PRKDC: variants seen among roughly 807,000 people sequenced by gnomAD.
PRKDC encodes DNA-dependent protein kinase catalytic subunit.
PRKDC carries 82 observed loss-of-function variants against 486.9 expected under a neutral mutation model. That is an observed-to-expected ratio of 0.17 (90% CI 0.14 to 0.20). The LOEUF (loss-of-function observed/expected upper bound fraction) is 0.20. Among genes scored for constraint, PRKDC ranks in the 10% least tolerant of loss-of-function variants. The pLI is 1.00. For missense variants in PRKDC, 4,504 were observed against 5,038.2 expected (o/e 0.89, Z 3.21); for synonymous variants, 1,895 against 1,837.0 (o/e 1.03, Z -0.81).
intron 14 of PRKDC, among the ~76,000 whole-genome samples, chr8:47,934,696 G>T (rs376497156): frequency 6.6e-5 from 10 of 152,184 alleles, no homozygotes; most frequent in African/African-American, 2.4e-4. Context: ...CTCATCATAT[G>T]TCCTATAATT....
chr8:47,903,954 C>T (rs1011571864), intron 26 of PRKDC, among the ~76,000 whole-genome samples: 3 of 152,292 alleles, frequency 2.0e-5, no homozygotes, highest in African/African-American at 4.8e-5. Flanking sequence ...TCACTCTCCC[C>T]TACCCGTAAC....
intron 74 of PRKDC, among the ~76,000 whole-genome samples, chr8:47,789,472 G>T (rs2086850028): frequency 6.6e-6 from 1 of 151,876 alleles, no homozygotes; most frequent in African/African-American, 2.4e-5. Flanking sequence ...AAGAGATGAG[G>T]TTCTTAAAAA....
At position 47,957,968 on chromosome 8, in the gene PRKDC, G is replaced by A. The variant is rs187297670; in HGVS notation, c.155-537C>T. 5.3e-5 allele frequency among the ~76,000 whole-genome samples: 8 copies of A among 152,312 alleles called. No individual in the cohort carries two copies. The East Asian group carries it at 1.5e-3, about 29-fold the overall frequency. On this transcript the variant is annotated intron_variant, in intron 1 of 85. Coordinates refer to ENST00000314191, the MANE Select transcript of PRKDC (RefSeq NM_006904.7). Reference sequence around the variant, plus strand: ...AGATGCCTGCATCCCAATCCCTGGGGTCACATCTTGTGAATATGTTAAATG... The same window carrying A: ...AGATGCCTGCATCCCAATCCCTGGGATCACATCTTGTGAATATGTTAAATG...
At chr8:47,909,848 T>C (rs2089863309) in intron 25 of PRKDC, among the ~76,000 whole-genome samples, 2 of 152,204 alleles carry the variant, frequency 1.3e-5, no homozygotes, top group Non-Finnish European at 2.9e-5. Flanking sequence ...TGGTAAATTC[T>C]AGTCAGATTG....
chr8:47,943,838 T>G lies in PRKDC; in HGVS notation c.808+15A>C. ...TAATCTAAAATATTATACCTCATTA[T>G]AAACAGAATCCTACCTGAGGGCACA... On this transcript the variant is annotated intron_variant, in intron 9 of 85. Transcript: ENST00000314191. The G allele has an allele frequency of 1.9e-6, 3 of 1,566,078 alleles. No homozygotes were observed. The highest frequency in any genetic ancestry group is 2.6e-6 in the Non-Finnish European group (3 of 1,149,868).
chr8:47,868,435 T>G (rs577326934), intron 40 of PRKDC, among the ~76,000 whole-genome samples: 191 of 150,914 alleles, frequency 1.3e-3, no homozygotes, highest in Non-Finnish European at 2.4e-3. Context: ...CTGGGCGTGA[T>G]AGCATGCCTG....
At chr8:47,879,719 A>C in intron 38 of PRKDC, 61 bp from the exon 39 acceptor site, 1 of 1,337,120 alleles carries the variant, frequency 7.5e-7, no homozygotes, top group Non-Finnish European at 9.9e-7. Context: ...CCTACAGAAT[A>C]AATAAAATTA....
intron 23 of PRKDC, among the ~76,000 whole-genome samples, chr8:47,914,588 T>C (rs2154502856): frequency 6.6e-6 from 1 of 152,132 alleles, no homozygotes; most frequent in East Asian, 1.9e-4. Flanking sequence ...TCACCTGAGG[T>C]CAGGAGTTGA....
chr8:47,946,754 G>GCTT (rs2090538111), intron 7 of PRKDC, among the ~76,000 whole-genome samples: 1 of 152,108 alleles, frequency 6.6e-6, no homozygotes, highest in Admixed American at 6.5e-5. Context: ...AAGCCTGGAT[G>GCTT]CTTCCTAAGT....
At chr8:47,833,188 A>T (rs1036365350) in intron 59 of PRKDC, among the ~76,000 whole-genome samples, 13 of 152,328 alleles carry the variant, frequency 8.5e-5, no homozygotes, top group African/African-American at 3.1e-4. Context: ...CATTTAGAGA[A>T]CTGTGTGTGG....
At chr8:47,785,835 C>T (rs973270510) in intron 76 of PRKDC, among the ~76,000 whole-genome samples, 5 of 151,518 alleles carry the variant, frequency 3.3e-5, no homozygotes, top group South Asian at 2.1e-4. Flanking sequence ...ATAAGTGACA[C>T]GGTTAATGCC....
At chr8:47,935,923 C>A in intron 12 of PRKDC, 23 bp from the exon 13 acceptor site, 2 of 1,600,800 alleles carry the variant, frequency 1.2e-6, no homozygotes, top group South Asian at 1.1e-5. Context: ...ATCAGCAAAC[C>A]GTGAGTTAGA....
intron 40 of PRKDC, among the ~76,000 whole-genome samples, chr8:47,877,283 T>A (rs919547206): frequency 1.3e-5 from 2 of 152,232 alleles, no homozygotes; most frequent in Non-Finnish European, 2.9e-5. Context: ...AACACTGTCA[T>A]CTTGTTTGAG....
intron 61 of PRKDC, among the ~76,000 whole-genome samples, chr8:47,828,806 A>G (rs1294830709): frequency 6.6e-6 from 1 of 152,252 alleles, no homozygotes; most frequent in East Asian, 1.9e-4. Context: ...AAAGCTTAAA[A>G]TAACTGATGA....
At chr8:47,954,084 A>G (rs2090666384) in intron 5 of PRKDC, among the ~76,000 whole-genome samples, 165 bp from the exon 6 acceptor site, 1 of 152,222 alleles carries the variant, frequency 6.6e-6, no homozygotes, top group Non-Finnish European at 1.5e-5. Context: ...CCTAAGTTTT[A>G]TGCAAATGTA....
At chr8:47,900,273 G>GAA (rs1040002214) in intron 28 of PRKDC, 100 bp downstream of exon 28, 66 of 695,278 alleles carry the variant, frequency 9.5e-5, no homozygotes, top group Admixed American at 3.9e-4. Flanking sequence ...GAACTCTTGG[G>GAA]AAAAAAAAAA....
In PRKDC at chr8:47,782,178, T is replaced by C; in HGVS notation, c.11473A>G (p.Lys3825Glu). The C allele has an allele frequency of 6.2e-7, 1 of 1,613,906 alleles. No individual in the cohort carries two copies. Among genetic ancestry groups the C allele is most frequent in the Non-Finnish European group, 8.5e-7 (1 of 1,179,830 alleles). ...CGCCCTTACCTCAGGTAAGCCGCCT[T>C]CTCCTCTTGGGACATGGTGTTCAAA... ...LLLNTMSQEE[K>E]AAYLSDPRAP... Residue 3825 changes from lysine (K) to glutamate (E), a missense_variant, in exon 80 of 86, where the codon AAG (lysine) becomes GAG (glutamate). Lys to Glu is a moderately conservative substitution (Grantham distance 56). This residue lies in a region of PRKDC where 706 missense variants were observed against 945.0 expected (regional missense o/e 0.75). Transcript: ENST00000314191. The surrounding 1 kb of genome is among the most constrained non-coding windows in gnomAD (Gnocchi z 4.9).
chr8:47,881,838 C>T, intron 37 of PRKDC, 74 bp downstream of exon 37: 1 of 1,289,186 alleles, frequency 7.8e-7, no homozygotes, highest in South Asian at 1.8e-5. Context: ...GGAGCAACCT[C>T]CATCAAATTT....
intron 10 of PRKDC, among the ~76,000 whole-genome samples, chr8:47,940,498 G>A (rs1038099812): frequency 2.0e-5 from 3 of 152,142 alleles, no homozygotes; most frequent in African/African-American, 7.2e-5. Flanking sequence ...AAAGCCACTA[G>A]GTCTTAGCGC....
Sources: gnomAD v4.1 joint callset for allele counts (sites outside exome capture counted in the v4.1 genomes callset) on GRCh38, gnomAD v4.1.1 for gene constraint, gnomAD v4.1.1 regional missense constraint, Gnocchi (gnomAD v3.1) non-coding constraint, MANE v1.5 for transcripts, NCBI Gene and HGNC (gene_info 2026-07-23, HGNC 2026-07-21) for gene names.